Variants in PARD3B observed in about 807,000 individuals in gnomAD.
The protein encoded by PARD3B is partitioning defective 3 homolog B.
A neutral mutation model predicts 130.2 loss-of-function variants in PARD3B; 103 were observed. The observed-to-expected ratio is 0.79, with a 90% CI of 0.67 to 0.93. PARD3B has a LOEUF of 0.93. Among genes scored for constraint, PARD3B ranks in the 40% least tolerant of loss-of-function variants. The probability of loss-of-function intolerance (pLI) is 0.00; values close to 1 mark genes in which losing one functional copy is unlikely to be tolerated. For synonymous variants in PARD3B, 583 were observed against 553.2 expected (o/e 1.05, Z -0.76); for missense variants, 1,609 against 1,499.2 (o/e 1.07, Z -1.21).
Position 205,002,171 on chromosome 2 carries a change from A to G in PARD3B, c.394+36848A>G, listed in dbSNP as rs141048738. ...GATAGCATTTATAGGGTGACAGTGT[A>G]TGTTTCTAGCCTACCAGCCAAGCAA... On this transcript the variant is annotated intron_variant, in intron 3 of 22. Transcript: ENST00000406610. 2.0e-3 allele frequency among the ~76,000 whole-genome samples: 305 copies of G among 152,320 alleles called. 3 individuals are homozygous for G. The highest frequency in any genetic ancestry group is 0.014 in the Admixed American group (220 of 15,298).
At chr2:205,305,309 T>G (rs935478986) in intron 18 of PARD3B, among the ~76,000 whole-genome samples, 4 of 152,162 alleles carry the variant, frequency 2.6e-5, no homozygotes, top group African/African-American at 7.2e-5. Context: ...CATGAGTGAC[T>G]CCATTCTGGT....
chr2:204,658,623 T>A (rs2035709548), intron 1 of PARD3B, among the ~76,000 whole-genome samples: 1 of 149,464 alleles, frequency 6.7e-6, no homozygotes, highest in Non-Finnish European at 1.5e-5. Flanking sequence ...CAACAAATTA[T>A]TTTTTTTTTC....
chr2:204,650,228 A>G (rs1326469266), intron 1 of PARD3B, among the ~76,000 whole-genome samples: 1 of 152,186 alleles, frequency 6.6e-6, no homozygotes, highest in Non-Finnish European at 1.5e-5. Context: ...CCAAATGGCT[A>G]TTATTAAAAA....
At position 205,287,060 on chromosome 2, in the gene PARD3B, A is replaced by C. The variant is rs1006235202; in HGVS notation, c.2186-13470A>C. ...ACTTGTAAAATCCATGCAGCAACAG[A>C]CTGGAACATGCCTGTCTATAAGCTG... On this transcript the variant is annotated intron_variant, in intron 16 of 22. Coordinates refer to ENST00000406610, the MANE Select transcript of PARD3B (RefSeq NM_001302769.2). The surrounding 1 kb of genome is among the most constrained non-coding windows in gnomAD (Gnocchi z 4.8). Among the ~76,000 whole-genome samples the C allele has an allele frequency of 6.6e-6, 1 of 152,174 alleles. No homozygotes were observed. The highest frequency in any genetic ancestry group is 2.4e-5 in the African/African-American group (1 of 41,444).
intron 2 of PARD3B, among the ~76,000 whole-genome samples, chr2:204,692,135 G>T (rs942754356): frequency 2.0e-5 from 3 of 152,024 alleles, no homozygotes; most frequent in African/African-American, 7.2e-5. Flanking sequence ...CTAGAAACCA[G>T]CTCACAGGAG....
rs143164952 is a variant in PARD3B, at chr2:204,966,471, A to G, written c.394+1148A>G. 7.9e-5 allele frequency among the ~76,000 whole-genome samples: 12 copies of G among 152,284 alleles called. No individual in the cohort carries two copies. The East Asian group carries it at 1.9e-3, about 25-fold the overall frequency. On this transcript the variant is annotated intron_variant, in intron 3 of 22. Transcript: ENST00000406610. The stretch of plus-strand genomic sequence containing the variant: ...CCTTACAGCCCCATCATTCATTTGC[A>G]TAATGGATGCCTTTTTATCCATTAT...
chr2:204,633,727 A>C (rs1349642154), intron 1 of PARD3B, among the ~76,000 whole-genome samples: 1 of 152,076 alleles, frequency 6.6e-6, no homozygotes, highest in Admixed American at 6.5e-5. Context: ...CAGGAGAATC[A>C]CTTGAACCCA....
intron 20 of PARD3B, among the ~76,000 whole-genome samples, chr2:205,476,317 A>G (rs2049019368): frequency 6.6e-6 from 1 of 152,200 alleles, no homozygotes; most frequent in African/African-American, 2.4e-5. Flanking sequence ...TTTCTAAGAA[A>G]TACATTAGGT....
At chr2:205,195,590 A>G (rs1574351538) in intron 15 of PARD3B, among the ~76,000 whole-genome samples, 2 of 152,216 alleles carry the variant, frequency 1.3e-5, no homozygotes, top group Admixed American at 1.3e-4. Context: ...TTTCTGTTTC[A>G]TTAGAGGAAT....
At chr2:204,619,063 CT>C (rs2034207945) in intron 1 of PARD3B, among the ~76,000 whole-genome samples, 1 of 152,118 alleles carries the variant, frequency 6.6e-6, no homozygotes, top group Non-Finnish European at 1.5e-5. Flanking sequence ...ACTTGATTTT[CT>C]GTCTGACTGT....
chr2:205,548,131 T>C (rs770480009), intron 21 of PARD3B, among the ~76,000 whole-genome samples: 1 of 152,112 alleles, frequency 6.6e-6, no homozygotes, highest in Non-Finnish European at 1.5e-5. Flanking sequence ...TGGCCTGCCC[T>C]TTAAATGATG....
chr2:205,426,292 C>T (rs151103651), intron 19 of PARD3B, among the ~76,000 whole-genome samples: 24 of 152,184 alleles, frequency 1.6e-4, no homozygotes, highest in African/African-American at 5.3e-4. Flanking sequence ...ATAGTAAACT[C>T]ACATTGTTCC....
chr2:205,550,974 TATACACAC>T lies in PARD3B; in HGVS notation c.3181-2348_3181-2341del, dbSNP rs1182876637. Among the ~76,000 whole-genome samples, 3 of 98,544 alleles carry T rather than the reference TATACACAC, an allele frequency of 3.0e-5. No homozygotes were observed. The highest frequency in any genetic ancestry group is 1.0e-4 in the African/African-American group (3 of 29,398). The allele number at this position is 98,544 out of a possible 152,430, so 64.6% of individuals were successfully genotyped here. A position where few individuals can be genotyped will look rare whatever the true frequency, so the allele number is the denominator to read the frequency against. On this transcript the variant is annotated intron_variant, in intron 21 of 22. Transcript: ENST00000406610. The surrounding 1 kb of genome is among the most constrained non-coding windows in gnomAD (Gnocchi z 4.5). ...ATATGTGTATATATATATATATATA[TATACACAC>T]ACACACACACACACACACACATAAT...
chr2:205,088,919 G>A (rs1203022668), intron 4 of PARD3B, among the ~76,000 whole-genome samples: 2 of 151,394 alleles, frequency 1.3e-5, no homozygotes, highest in South Asian at 2.1e-4. Flanking sequence ...TCAGCCTCCC[G>A]AGTAGCTGGG....
chr2:204,953,426 G>T (rs879281831), intron 2 of PARD3B, among the ~76,000 whole-genome samples: 1 of 27,584 alleles, frequency 3.6e-5, no homozygotes, highest in East Asian at 2.9e-3. Context: ...CACACAGAGA[G>T]AGAGAGAGAG....
intron 2 of PARD3B, among the ~76,000 whole-genome samples, chr2:204,932,657 C>T (rs1326912033): frequency 6.6e-6 from 1 of 152,092 alleles, no homozygotes; most frequent in Admixed American, 6.5e-5. Context: ...ACGTAATAAA[C>T]ATTCTTTGGA....
At chr2:205,119,534 C>T (rs1051368233) in intron 7 of PARD3B, among the ~76,000 whole-genome samples, 1 of 152,072 alleles carries the variant, frequency 6.6e-6, no homozygotes, top group Non-Finnish European at 1.5e-5. Flanking sequence ...GTAATCCCAG[C>T]ATTTTGGGGG....
intron 16 of PARD3B, among the ~76,000 whole-genome samples, chr2:205,255,850 G>A (rs1481940557): frequency 6.6e-6 from 1 of 152,106 alleles, no homozygotes; most frequent in Non-Finnish European, 1.5e-5. Flanking sequence ...GTGCTCTTGG[G>A]CTATTATGGA....
chr2:205,561,046 C>T lies in PARD3B; in HGVS notation c.3260+7643C>T, dbSNP rs538130991. 3.3e-5 allele frequency among the ~76,000 whole-genome samples: 5 copies of T among 152,308 alleles called. No individual in the cohort carries two copies. The East Asian group carries it at 5.8e-4, about 18-fold the overall frequency. On this transcript the variant is annotated intron_variant, in intron 22 of 22. Coordinates refer to ENST00000406610, the MANE Select transcript of PARD3B (RefSeq NM_001302769.2). Reference sequence around the variant, plus strand: ...ATCAGGAAGAGTCCAATCACAAGTGCGCAGGTAACTTTGAAACTTGCAACA... The same window carrying T: ...ATCAGGAAGAGTCCAATCACAAGTGTGCAGGTAACTTTGAAACTTGCAACA...
Sources: gnomAD v4.1 joint callset for allele counts (sites outside exome capture counted in the v4.1 genomes callset) on GRCh38, gnomAD v4.1.1 for gene constraint, Gnocchi (gnomAD v3.1) non-coding constraint, MANE v1.5 for transcripts, NCBI Gene and HGNC (gene_info 2026-07-23, HGNC 2026-07-21) for gene names.